The following SMCO4 variants were observed in gnomAD, a reference collection of about 807,000 sequenced individuals.
The protein encoded by SMCO4 is single-pass membrane protein with coiled-coil domains 4.
SMCO4 carries 4 observed loss-of-function variants against 3.6 expected under a neutral mutation model. The ratio of observed to expected loss-of-function variants is 1.11; its 90% CI spans 0.54 to 2.53. The LOEUF is 2.53. SMCO4 is among the 30% of genes most tolerant of loss of function. The pLI is 0.02. For missense variants in SMCO4, 70 were observed against 80.8 expected, an observed-to-expected ratio of 0.87 and a Z score of 0.51; for synonymous variants, 36 against 35.3, an observed-to-expected ratio of 1.02 and a Z score of -0.07.
Position 93,478,926 on chromosome 11 carries a change from C to A in SMCO4, c.*84G>T. 1 of 1,496,612 alleles carries A rather than the reference C, an allele frequency of 6.7e-7. No homozygotes were observed. The highest frequency in any genetic ancestry group is 1.3e-5 in the South Asian group (1 of 76,462). 92.7% of individuals were successfully genotyped at this position (1,496,612 alleles called of 1,614,324 possible). A position where few individuals can be genotyped will look rare whatever the true frequency, so the allele number is the denominator to read the frequency against. ...TTACAGCTCAGCAACATGAACATCTCTGAATATGAAAGCCATTTTTTGTTT... is the reference window on the plus strand; with the variant it reads ...TTACAGCTCAGCAACATGAACATCTATGAATATGAAAGCCATTTTTTGTTT... On this transcript the variant is annotated 3_prime_UTR_variant, in exon 3 of 3. Transcript: ENST00000298966.
At chr11:93,510,015 GAGA>G (rs1204279366) in intron 1 of SMCO4, among the ~76,000 whole-genome samples, 1 of 152,164 alleles carries the variant, frequency 6.6e-6, no homozygotes, top group African/African-American at 2.4e-5. Context: ...ATAACTAAAA[GAGA>G]AGGAGGTCCT....
chr11:93,522,550 T>C (rs1283884973), intron 1 of SMCO4, among the ~76,000 whole-genome samples: 2 of 152,234 alleles, frequency 1.3e-5, no homozygotes, highest in Non-Finnish European at 2.9e-5. Context: ...CAGGCATCCG[T>C]TGTATTCCAC....
intron 1 of SMCO4, among the ~76,000 whole-genome samples, chr11:93,500,858 G>C (rs1377807538): frequency 1.3e-5 from 2 of 152,190 alleles, no homozygotes; most frequent in Non-Finnish European, 2.9e-5. Context: ...TGTTGGCTCA[G>C]TAGCTGCAGC....
chr11:93,500,907 G>T (rs12806700), intron 1 of SMCO4, among the ~76,000 whole-genome samples: 18,162 of 152,228 alleles, frequency 0.12, 1,333 homozygotes, highest in Non-Finnish European at 0.17. Flanking sequence ...TAGGCCTTCT[G>T]AGCAGCTTGT....
At chr11:93,518,408 C>G (rs1286652944) in intron 1 of SMCO4, among the ~76,000 whole-genome samples, 1 of 152,184 alleles carries the variant, frequency 6.6e-6, no homozygotes, top group African/African-American at 2.4e-5. Flanking sequence ...GCTAATAGTG[C>G]TGCCATGAAG....
rs770704547 is a variant in SMCO4, at chr11:93,478,750, C to CACAT, written c.*256_*259dup. 1.2e-6 allele frequency: 1 copy of CACAT among 817,326 alleles called. No homozygotes were observed. Among genetic ancestry groups the CACAT allele is most frequent in the Non-Finnish European group, 1.7e-6 (1 of 601,854 alleles). The allele number at this position is 817,326 out of a possible 1,614,324, so 50.6% of individuals were successfully genotyped here. On this transcript the variant is annotated 3_prime_UTR_variant, in exon 3 of 3. Coordinates refer to ENST00000298966, the MANE Select transcript of SMCO4 (RefSeq NM_020179.3). ...ACACACACACACACACACACACACA[C>CACAT]ACATGCGCGCGCGCTTTGAAGTCTG...
chr11:93,524,374 T>A (rs1350785563), intron 1 of SMCO4, among the ~76,000 whole-genome samples: 2 of 152,094 alleles, frequency 1.3e-5, no homozygotes, highest in Admixed American at 6.5e-5. Flanking sequence ...ATTCTTTCAC[T>A]TTCGGAATAC....
chr11:93,534,313 C>CACATAT (rs1410961073), intron 1 of SMCO4, among the ~76,000 whole-genome samples: 1 of 146,838 alleles, frequency 6.8e-6, no homozygotes, highest in Admixed American at 6.9e-5. Flanking sequence ...TACATATATA[C>CACATAT]ACATATATAC....
At chr11:93,479,709 C>A (rs1948569690) in intron 2 of SMCO4, among the ~76,000 whole-genome samples, 1 of 152,178 alleles carries the variant, frequency 6.6e-6, no homozygotes, top group Admixed American at 6.5e-5. Flanking sequence ...GGCACGTAGC[C>A]CCCTTCCTGC....
chr11:93,534,883 C>T (rs1476006190), intron 1 of SMCO4, among the ~76,000 whole-genome samples: 2 of 152,186 alleles, frequency 1.3e-5, no homozygotes, highest in African/African-American at 2.4e-5. Context: ...AAGAAGTCAT[C>T]GCTTCTCCCC....
Position 93,514,406 on chromosome 11 carries a change from AT to A in SMCO4, c.-153-15059del, listed in dbSNP as rs1565383050. The stretch of plus-strand genomic sequence containing the variant: ...TATATATATATATATATATATATAT[AT>A]ATATATATATATATAAAATTTGGTC... On this transcript the variant is annotated intron_variant, in intron 1 of 2. Transcript: ENST00000298966. 7.7e-3 allele frequency among the ~76,000 whole-genome samples: 233 copies of A among 30,262 alleles called. 6 individuals carry two copies. Among genetic ancestry groups the A allele is most frequent in the Middle Eastern group, 0.022 (2 of 90 alleles). 19.9% of individuals were successfully genotyped at this position (30,262 alleles called of 152,430 possible).
intron 2 of SMCO4, among the ~76,000 whole-genome samples, chr11:93,479,704 G>A (rs1284238265): frequency 3.9e-5 from 6 of 152,148 alleles, no homozygotes; most frequent in Non-Finnish European, 7.4e-5. Context: ...CTCCAGGCAC[G>A]TAGCCCCCTT....
intron 1 of SMCO4, among the ~76,000 whole-genome samples, chr11:93,534,205 A>AAT (rs1166778661): frequency 4.0e-5 from 2 of 49,422 alleles, no homozygotes; most frequent in Non-Finnish European, 1.2e-4. Context: ...AAAAAAAAAA[A>AAT]ATATATATAT....
At chr11:93,484,247 G>C (rs1305462325) in intron 2 of SMCO4, among the ~76,000 whole-genome samples, 3 of 152,170 alleles carry the variant, frequency 2.0e-5, no homozygotes, top group Non-Finnish European at 4.4e-5. Flanking sequence ...GCACAGAATT[G>C]TTTGTGATTT....
At chr11:93,553,620 A>G in the SMCO4 span, among the ~76,000 whole-genome samples, 8 of 152,250 alleles carry the variant, frequency 5.3e-5, no homozygotes, top group African/African-American at 1.7e-4. Flanking sequence ...TAGTAGACCC[A>G]AGCTAGATCT....
chr11:93,479,212 G>A lies in SMCO4; in HGVS notation c.-23C>T, dbSNP rs1236205489. 1.2e-6 allele frequency: 2 copies of A among 1,609,698 alleles called. No homozygotes were observed. The highest frequency in any genetic ancestry group is 1.7e-6 in the Non-Finnish European group (2 of 1,177,660). On this transcript the variant is annotated 5_prime_UTR_variant, in exon 3 of 3. Transcript: ENST00000298966. ...CATCTTTCCTAGAGGATGCTAGGAGGGTGTGTCCAGAGGGATTCCAGGAAG... is the reference window on the plus strand; with the variant it reads ...CATCTTTCCTAGAGGATGCTAGGAGAGTGTGTCCAGAGGGATTCCAGGAAG...
the SMCO4 span, among the ~76,000 whole-genome samples, chr11:93,553,885 C>T: frequency 1.3e-5 from 2 of 152,204 alleles, no homozygotes; most frequent in African/African-American, 4.8e-5. Context: ...TCTACAAAGC[C>T]AGGTTCTATC....
intron 1 of SMCO4, among the ~76,000 whole-genome samples, chr11:93,542,497 A>G (rs1308145002): frequency 6.6e-6 from 1 of 152,116 alleles, no homozygotes; most frequent in Non-Finnish European, 1.5e-5. Flanking sequence ...TCCCTCCTCA[A>G]CTTCCTCAGG....
At chr11:93,545,275 T>C (rs1371956382), upstream of SMCO4, among the ~76,000 whole-genome samples, 1 of 152,122 alleles carries the variant, frequency 6.6e-6, no homozygotes, top group African/African-American at 2.4e-5. Context: ...AGTAATAACA[T>C]AGATATTGTG....
Sources: allele counts gnomAD v4.1 joint callset (sites outside exome capture counted in the v4.1 genomes callset), GRCh38; gene constraint gnomAD v4.1.1; transcripts MANE v1.5; gene names NCBI Gene and HGNC (gene_info 2026-07-23, HGNC 2026-07-21).